Variants in KIAA1217 observed in about 807,000 individuals in gnomAD.
KIAA1217 encodes sickle tail protein homolog.
Under a neutral mutation model 163.9 loss-of-function variants are expected in KIAA1217, and 88 were observed. That is an observed-to-expected ratio of 0.54 (90% confidence interval 0.45 to 0.64). The LOEUF is 0.64. KIAA1217 is among the 30% of genes least tolerant of loss of function. The pLI is 0.00. For synonymous variants in KIAA1217, 903 were observed against 923.1 expected (o/e 0.98, Z 0.39); for missense variants, 2,372 against 2,475.0 (o/e 0.96, Z 0.88).
chr10:24,428,620 TAATA>T (rs985709107), intron 3 of KIAA1217, among the ~76,000 whole-genome samples: 1 of 152,164 alleles, frequency 6.6e-6, no homozygotes, highest in Non-Finnish European at 1.5e-5. Flanking sequence ...TTTCAATGAC[TAATA>T]AATCATTCGT....
intron 1 of KIAA1217, among the ~76,000 whole-genome samples, chr10:23,735,173 T>C (rs943669138): frequency 6.6e-6 from 1 of 152,178 alleles, no homozygotes; most frequent in East Asian, 1.9e-4. Context: ...ATAGAATTAC[T>C]AGGGTAATTA....
intron 2 of KIAA1217, among the ~76,000 whole-genome samples, chr10:24,297,335 A>C (rs2040747870): frequency 6.6e-6 from 1 of 152,228 alleles, no homozygotes; most frequent in African/African-American, 2.4e-5. Flanking sequence ...AGTGTGACGT[A>C]AGTAACTACC....
intron 2 of KIAA1217, among the ~76,000 whole-genome samples, chr10:24,017,250 G>A (rs1183335193): frequency 6.6e-6 from 1 of 151,850 alleles, no homozygotes; most frequent in African/African-American, 2.4e-5. Flanking sequence ...TGTAGAGACA[G>A]GATCTTGCTA....
intron 6 of KIAA1217, among the ~76,000 whole-genome samples, chr10:24,484,080 T>C (rs1467202454): frequency 6.6e-6 from 1 of 151,672 alleles, no homozygotes; most frequent in Non-Finnish European, 1.5e-5. Flanking sequence ...AAGGGGATGA[T>C]AATCTACTCA....
intron 5 of KIAA1217, among the ~76,000 whole-genome samples, chr10:24,452,635 TCG>T (rs1460021979): frequency 7.2e-6 from 1 of 138,024 alleles, no homozygotes; most frequent in Non-Finnish European, 1.5e-5. Context: ...TGAGCCGAGA[TCG>T]CACCACTGCA....
At chr10:24,304,637 G>T (rs959163591) in intron 2 of KIAA1217, among the ~76,000 whole-genome samples, 1 of 152,158 alleles carries the variant, frequency 6.6e-6, no homozygotes, top group Non-Finnish European at 1.5e-5. Context: ...CCTGACCTTG[G>T]GGTTTTATTA....
intron 2 of KIAA1217, among the ~76,000 whole-genome samples, chr10:24,090,016 G>C (rs2061863512): frequency 6.6e-6 from 1 of 151,662 alleles, no homozygotes; most frequent in South Asian, 2.1e-4. Context: ...CAAAGCTGGA[G>C]GCATCAGGCT....
At chr10:24,308,526 A>G (rs796419796) in intron 2 of KIAA1217, among the ~76,000 whole-genome samples, 10 of 152,348 alleles carry the variant, frequency 6.6e-5, no homozygotes, top group African/African-American at 2.4e-4. Flanking sequence ...TGAATGGAGA[A>G]GAAGGCAGGC....
intron 5 of KIAA1217, among the ~76,000 whole-genome samples, chr10:24,447,034 A>G (rs1328112976): frequency 2.0e-5 from 3 of 151,270 alleles, no homozygotes; most frequent in Non-Finnish European, 4.4e-5. Context: ...CCCAGAAGCC[A>G]CTCTCTTCAT....
chr10:24,477,826 C>T lies in KIAA1217; in HGVS notation c.1679+3766C>T, dbSNP rs527592827. ...AAACAGGAACATCAGAAACAATTAC[C>T]GAAGCACAAAATTATAATCCATTGT... is the stretch of plus-strand genomic sequence containing the variant. On this transcript the variant is annotated intron_variant, in intron 6 of 20. Transcript: ENST00000376454. 7.2e-5 allele frequency among the ~76,000 whole-genome samples: 11 copies of T among 152,150 alleles called. No individual in the cohort carries two copies. The South Asian group carries it at 1.0e-3, about 14-fold the overall frequency.
At position 24,438,431 on chromosome 10, in the gene KIAA1217, T is replaced by C. The variant is rs982957100; in HGVS notation, c.798T>C (p.Pro266=). The change falls in exon 5 of 21, where the codon CCT becomes CCC. Residue 266 remains proline (P), a synonymous_variant. Coordinates refer to ENST00000376454, the MANE Select transcript of KIAA1217 (RefSeq NM_019590.5). ...TCCTCAAAGTGTACAACAAGGATCC[T>C]GCACATGCGTTTAATCACACACCAA... ...RSLLKVYNKD[P]AHAFNHTPKT... The C allele has an allele frequency of 6.2e-7, 1 of 1,613,504 alleles. No homozygotes were observed. Among genetic ancestry groups the C allele is most frequent in the Admixed American group, 1.7e-5 (1 of 60,012 alleles).
chr10:24,128,467 A>G (rs1220561827), intron 2 of KIAA1217, among the ~76,000 whole-genome samples: 2 of 152,244 alleles, frequency 1.3e-5, no homozygotes, highest in African/African-American at 4.8e-5. Flanking sequence ...GTTGGAATGA[A>G]TAGGGCTGGC....
intron 16 of KIAA1217, among the ~76,000 whole-genome samples, chr10:24,536,350 C>T (rs574771905): frequency 1.4e-3 from 207 of 152,130 alleles, no homozygotes; most frequent in African/African-American, 4.7e-3. Flanking sequence ...AGGTTTAAAA[C>T]GTCTTGTGAG....
chr10:24,431,549 T>A (rs1401171058), intron 3 of KIAA1217, among the ~76,000 whole-genome samples: 2 of 152,138 alleles, frequency 1.3e-5, no homozygotes. Flanking sequence ...GTTCCAGCTG[T>A]AAAATGGGCG....
At chr10:23,894,835 C>T (rs1479995618) in intron 1 of KIAA1217, among the ~76,000 whole-genome samples, 2 of 151,180 alleles carry the variant, frequency 1.3e-5, no homozygotes, top group Admixed American at 6.6e-5. Flanking sequence ...GAAATAACAC[C>T]ACATATCTAC....
intron 2 of KIAA1217, among the ~76,000 whole-genome samples, chr10:24,198,176 G>A (rs2130506780): frequency 6.6e-6 from 1 of 152,310 alleles, no homozygotes; most frequent in Middle Eastern, 3.4e-3. Context: ...CATTATCAGT[G>A]GGTAATATTT....
At chr10:23,748,827 TG>T (rs1304515556) in intron 1 of KIAA1217, among the ~76,000 whole-genome samples, 40 of 152,170 alleles carry the variant, frequency 2.6e-4, no homozygotes, top group Non-Finnish European at 7.4e-5. Flanking sequence ...CTGTTCTTCA[TG>T]TAGTAAAGGC....
intron 2 of KIAA1217, among the ~76,000 whole-genome samples, chr10:24,017,049 T>G (rs547776034): frequency 1.7e-4 from 26 of 151,346 alleles, no homozygotes; most frequent in South Asian, 8.3e-4. Flanking sequence ...TGTTTTTTTT[T>G]TTTTTTTTTG....
intron 11 of KIAA1217, 87 bp downstream of exon 11, chr10:24,520,340 T>G: frequency 1.3e-6 from 2 of 1,533,994 alleles, no homozygotes; most frequent in Non-Finnish European, 1.8e-6. Flanking sequence ...TTCATTCATG[T>G]ATGCAAGTAT....
Sources: gnomAD v4.1 joint callset for allele counts (sites outside exome capture counted in the v4.1 genomes callset) on GRCh38, gnomAD v4.1.1 for gene constraint, MANE v1.5 for transcripts, NCBI Gene and HGNC (gene_info 2026-07-23, HGNC 2026-07-21) for gene names.